The following SFI1 variants were observed in gnomAD, a reference collection of about 807,000 sequenced individuals.
SFI1 encodes protein SFI1 homolog.
SFI1 carries 195 observed loss-of-function variants against 207.5 expected under a neutral mutation model. The observed-to-expected ratio is 0.94, with a 90% CI of 0.84 to 1.06. The LOEUF is 1.06. Ranked by LOEUF, SFI1 falls within the 50% of genes least tolerant of loss-of-function variation. The pLI is 0.00. For synonymous variants in SFI1, 630 were observed against 598.9 expected, an observed-to-expected ratio of 1.05 and a Z score of -0.76; for missense variants, 1,634 against 1,588.0, an observed-to-expected ratio of 1.03 and a Z score of -0.49.
At chr22:31,543,030 G>A (rs530668888) in intron 4 of SFI1, among the ~76,000 whole-genome samples, 84 of 147,822 alleles carry the variant, frequency 5.7e-4, no homozygotes, top group African/African-American at 2.0e-3. Context: ...GGAGTGCAGT[G>A]GCGCATCTCG....
At chr22:31,519,587 C>T (rs1029558661) in intron 2 of SFI1, among the ~76,000 whole-genome samples, 1 of 152,082 alleles carries the variant, frequency 6.6e-6, no homozygotes, top group African/African-American at 2.4e-5. Flanking sequence ...CAGGCGTGTG[C>T]CACCACGCCC....
chr22:31,614,715 G>GT, intron 27 of SFI1, 74 bp from the exon 28 acceptor site: 1 of 1,531,356 alleles, frequency 6.5e-7, no homozygotes, highest in South Asian at 1.1e-5. Context: ...TAAAATTGGA[G>GT]ATCCCACAGA....
At chr22:31,583,854 C>A (rs375392642) in intron 12 of SFI1, 21 bp from the exon 13 acceptor site, 1 of 1,605,146 alleles carries the variant, frequency 6.2e-7, no homozygotes. Flanking sequence ...ACATTTCCAT[C>A]TTCTTCCTCC....
chr22:31,580,191 C>A, intron 11 of SFI1, 81 bp from the exon 12 acceptor site: 2 of 1,044,648 alleles, frequency 1.9e-6, no homozygotes, highest in Non-Finnish European at 2.9e-6. Flanking sequence ...ATTTGAGGCA[C>A]TGTTTGCCTT....
At chr22:31,550,532 A>C in intron 6 of SFI1, 184 bp downstream of exon 6, 1 of 542,900 alleles carries the variant, frequency 1.8e-6, no homozygotes, top group Non-Finnish European at 3.3e-6. Context: ...ATTGATCCCT[A>C]TGGTTTTCTC....
intron 15 of SFI1, among the ~76,000 whole-genome samples, chr22:31,591,034 A>T (rs2065822711): frequency 6.6e-6 from 1 of 150,872 alleles, no homozygotes; most frequent in African/African-American, 2.4e-5. Context: ...TGGCAGGGTC[A>T]TGGGACAATA....
At chr22:31,596,120 G>C (rs1271650025) in intron 15 of SFI1, among the ~76,000 whole-genome samples, 1 of 152,144 alleles carries the variant, frequency 6.6e-6, no homozygotes, top group Admixed American at 6.5e-5. Context: ...GGGCGTGGTG[G>C]TGCATGCTTA....
chr22:31,597,419 A>G (rs908895822), intron 15 of SFI1, among the ~76,000 whole-genome samples: 1 of 152,150 alleles, frequency 6.6e-6, no homozygotes, highest in Non-Finnish European at 1.5e-5. Flanking sequence ...TTCCTTGTTC[A>G]TGAGCAGAGT....
Position 31,613,216 on chromosome 22 carries a change from G to C in SFI1, c.2565G>C (p.Lys855Asn). 6.2e-7 allele frequency: 1 copy of C among 1,613,770 alleles called. No individual in the cohort carries two copies. Among genetic ancestry groups the C allele is most frequent in the Non-Finnish European group, 8.5e-7 (1 of 1,180,024 alleles). The part of the protein sequence containing the change: ...LWFWAFSLQA[K>N]VWATWLAFVL... Reference sequence around the variant, plus strand: ...TCTGGGCCTTCTCGCTGCAGGCAAAGGTAATTGGGGCTCTGCATCCTACCA... The same window carrying C: ...TCTGGGCCTTCTCGCTGCAGGCAAACGTAATTGGGGCTCTGCATCCTACCA... The change falls in exon 25 of 33, where the codon AAG (lysine) becomes AAC (asparagine). Residue 855 changes from lysine to asparagine, a missense_variant and splice_region_variant. By Grantham distance (94) the Lys-to-Asn change is moderately conservative. Transcript: ENST00000400288.
intron 10 of SFI1, among the ~76,000 whole-genome samples, chr22:31,577,523 T>C (rs1242737899): frequency 6.6e-6 from 1 of 152,140 alleles, no homozygotes; most frequent in Non-Finnish European, 1.5e-5. Context: ...TCCTCCCCCC[T>C]CAGCCTACGA....
At chr22:31,509,983 C>T (rs1368786384) in intron 2 of SFI1, among the ~76,000 whole-genome samples, 1 of 151,868 alleles carries the variant, frequency 6.6e-6, no homozygotes, top group Non-Finnish European at 1.5e-5. Flanking sequence ...TGCAGTGGTA[C>T]AGTCTCGGCT....
intron 2 of SFI1, among the ~76,000 whole-genome samples, chr22:31,516,719 C>G (rs981211177): frequency 4.6e-5 from 7 of 151,934 alleles, no homozygotes; most frequent in African/African-American, 7.3e-5. Context: ...CTTCGGGAGG[C>G]TGAGGTGGGC....
At chr22:31,588,665 T>C (rs990877426) in intron 14 of SFI1, among the ~76,000 whole-genome samples, 7 of 151,952 alleles carry the variant, frequency 4.6e-5, no homozygotes, top group African/African-American at 1.7e-4. Context: ...ATACAAAAAT[T>C]AGCTGGGCGT....
At chr22:31,509,330 C>T (rs1253166069) in intron 2 of SFI1, among the ~76,000 whole-genome samples, 1 of 152,200 alleles carries the variant, frequency 6.6e-6, no homozygotes, top group African/African-American at 2.4e-5. Flanking sequence ...CAGTCCAAGT[C>T]CCAATACCTC....
chr22:31,613,960 C>T (rs2070867520), intron 27 of SFI1, 105 bp downstream of exon 27: 14 of 1,393,692 alleles, frequency 1.0e-5, no homozygotes, highest in East Asian at 7.3e-5. Flanking sequence ...GGGCTGGTCA[C>T]GGCCTTGTCA....
chr22:31,568,989 A>C (rs62237772), intron 8 of SFI1, among the ~76,000 whole-genome samples: 9,174 of 152,292 alleles, frequency 0.06, 271 homozygotes, highest in African/African-American at 0.069. Context: ...GGAGTTAACT[A>C]AATTCTTTAA....
intron 23 of SFI1, 25 bp downstream of exon 23, chr22:31,611,328 C>T (rs779815650): frequency 1.3e-6 from 2 of 1,565,582 alleles, no homozygotes; most frequent in Non-Finnish European, 1.7e-6. Flanking sequence ...GGCAACTCTC[C>T]AAGTTCTGCC....
At chr22:31,590,704 A>G (rs949601280) in intron 15 of SFI1, among the ~76,000 whole-genome samples, 1 of 151,728 alleles carries the variant, frequency 6.6e-6, no homozygotes, top group Non-Finnish European at 1.5e-5. Flanking sequence ...CGGGGCTTTC[A>G]CCATGTCAGC....
chr22:31,509,376 G>A (rs1198888759), intron 2 of SFI1, among the ~76,000 whole-genome samples: 1 of 152,228 alleles, frequency 6.6e-6, no homozygotes, highest in Non-Finnish European at 1.5e-5. Context: ...CCTTCAATCT[G>A]TGGCCAAAGG....
Sources: allele counts gnomAD v4.1 joint callset (sites outside exome capture counted in the v4.1 genomes callset), GRCh38; gene constraint gnomAD v4.1.1; transcripts MANE v1.5; gene names NCBI Gene and HGNC (gene_info 2026-07-23, HGNC 2026-07-21).